The following RAP1GAP2 variants were observed in gnomAD, a reference collection of about 807,000 sequenced individuals.
RAP1GAP2 encodes rap1 GTPase-activating protein 2.
RAP1GAP2 carries 27 observed loss-of-function variants against 95.0 expected under a neutral mutation model. That is an observed-to-expected ratio of 0.28 (90% CI 0.21 to 0.39). The LOEUF (loss-of-function observed/expected upper bound fraction) is 0.39, where lower values mean the gene tolerates loss of function less well. Ranked by LOEUF, RAP1GAP2 falls within the 10% of genes least tolerant of loss-of-function variation. The pLI is 1.00. For missense variants in RAP1GAP2, 771 were observed against 970.0 expected (o/e 0.79, Z 2.72); for synonymous variants, 373 against 380.9 (o/e 0.98, Z 0.24).
chr17:2,965,562 C>A lies in RAP1GAP2; in HGVS notation c.515C>A (p.Thr172Asn), dbSNP rs1181203871. The A allele has an allele frequency of 6.2e-7, 1 of 1,612,582 alleles. No homozygotes were observed. The highest frequency in any genetic ancestry group is 8.5e-7 in the Non-Finnish European group (1 of 1,179,422). The stretch of plus-strand genomic sequence containing the variant: ...TAGGATCATCTAAACTTTTACTGTA[C>A]CGGCAGCAGCCTGGGGAACTTGATC... ...LGKDHLNFYC[T>N]GSSLGNLILS... The change falls in exon 8 of 25, where the codon ACC becomes AAC. Residue 172 changes from threonine to asparagine, a missense_variant. By Grantham distance (65) the Thr-to-Asn change is moderately conservative (BLOSUM62 0). Coordinates refer to ENST00000254695, the MANE Select transcript of RAP1GAP2 (RefSeq NM_015085.5). The surrounding 1 kb of genome is among the most constrained non-coding windows in gnomAD (Gnocchi z 4.7).
intron 1 of RAP1GAP2, among the ~76,000 whole-genome samples, chr17:2,763,463 A>C (rs1022521826): frequency 2.0e-5 from 3 of 152,178 alleles, no homozygotes; most frequent in Admixed American, 1.3e-4. Flanking sequence ...TGGGAGGCCG[A>C]GGCAGGTGGA....
chr17:2,796,570 TG>T lies in RAP1GAP2; in HGVS notation c.44+1del. 6.4e-7 allele frequency: 1 copy of T among 1,562,322 alleles called. No individual in the cohort carries two copies. The highest frequency in any genetic ancestry group is 1.2e-5 in the South Asian group (1 of 84,752). On this transcript the variant is annotated frameshift_variant and splice_region_variant, in exon 1 of 25. Transcript: ENST00000254695. LOFTEE classifies it high-confidence loss of function. This position sits in a 1 kb window ranked among gnomAD's most constrained non-coding sequence, Gnocchi z 4.7. ...CAGTGTCTCCTTTGGGGGCTTCGGA[TG>T]GTGGGTGACAGGTGGGAGGGTGGGG... is the stretch of plus-strand genomic sequence containing the variant. ...KRSVSFGGFGWIDKTMLASLK... is the reference protein window; with the variant it reads ...KRSVSFGGFGXIDKTMLASLK...
chr17:2,880,362 G>A (rs2073241041), intron 2 of RAP1GAP2, among the ~76,000 whole-genome samples: 1 of 151,946 alleles, frequency 6.6e-6, no homozygotes, highest in South Asian at 2.1e-4. Context: ...GGGACAAGGG[G>A]GTGCGGAGAG....
intron 2 of RAP1GAP2, among the ~76,000 whole-genome samples, chr17:2,824,845 A>G (rs1597379384): frequency 6.6e-6 from 1 of 151,740 alleles, no homozygotes; most frequent in Non-Finnish European, 1.5e-5. Context: ...CGGCGGCTGG[A>G]GATGCCTGTG....
intron 2 of RAP1GAP2, among the ~76,000 whole-genome samples, chr17:2,812,338 G>A (rs145486356): frequency 6.6e-6 from 1 of 152,204 alleles, no homozygotes; most frequent in Non-Finnish European, 1.5e-5. Flanking sequence ...CTGAGTCATG[G>A]GGGGGTGGTT....
In RAP1GAP2 at chr17:2,952,364, A is replaced by G. The variant is rs141441564; in HGVS notation, c.166-5395A>G. Among the ~76,000 whole-genome samples, 1,385 of 152,304 alleles carry G rather than the reference A, an allele frequency of 9.1e-3. 12 individuals carry two copies. Among genetic ancestry groups the G allele is most frequent in the Admixed American group, 0.016 (245 of 15,294 alleles). ...TTTACTTTTCCTTTCACGGTTGGGTACTTCCCCCATTGCTTAGACTTTTTG... is the reference window on the plus strand; with the variant it reads ...TTTACTTTTCCTTTCACGGTTGGGTGCTTCCCCCATTGCTTAGACTTTTTG... On this transcript the variant is annotated intron_variant, in intron 3 of 24. Transcript: ENST00000254695.
intron 1 of RAP1GAP2, among the ~76,000 whole-genome samples, chr17:2,782,605 T>C (rs2068685272): frequency 6.6e-6 from 1 of 152,146 alleles, no homozygotes; most frequent in Non-Finnish European, 1.5e-5. Context: ...TAATCACTGG[T>C]ACTAATGGAG....
chr17:3,025,578 C>T (rs73976763), intron 19 of RAP1GAP2, among the ~76,000 whole-genome samples: 26 of 152,318 alleles, frequency 1.7e-4, no homozygotes, highest in African/African-American at 5.5e-4. Flanking sequence ...GATGGCCCCC[C>T]GGGACTTCCC....
chr17:2,964,760 A>G (rs1163107309), intron 7 of RAP1GAP2: 3 of 152,576 alleles, frequency 2.0e-5, no homozygotes, highest in Non-Finnish European at 2.9e-5. Context: ...TGTACTGCAT[A>G]GTGTCTGCGA....
At chr17:2,812,341 G>T (rs2069804358) in intron 2 of RAP1GAP2, among the ~76,000 whole-genome samples, 1 of 152,150 alleles carries the variant, frequency 6.6e-6, no homozygotes, top group Non-Finnish European at 1.5e-5. Context: ...AGTCATGGGG[G>T]GGTGGTTCCT....
chr17:2,815,622 C>A (rs944666423), intron 2 of RAP1GAP2, among the ~76,000 whole-genome samples: 1 of 152,024 alleles, frequency 6.6e-6, no homozygotes, highest in African/African-American at 2.4e-5. Flanking sequence ...GCTGGGATTA[C>A]AGGCGCGCAC....
chr17:2,907,836 C>T (rs2042248033), intron 3 of RAP1GAP2, among the ~76,000 whole-genome samples: 1 of 152,088 alleles, frequency 6.6e-6, no homozygotes, highest in South Asian at 2.1e-4. Context: ...GAGACAGAGC[C>T]TTGCTCTGTC....
chr17:2,797,648 C>A lies in RAP1GAP2; in HGVS notation c.44+1077C>A. 2.1e-6 allele frequency: 2 copies of A among 970,026 alleles called. No individual in the cohort carries two copies. Among genetic ancestry groups the A allele is most frequent in the Non-Finnish European group, 2.5e-6 (2 of 815,948 alleles). 60.1% of individuals were successfully genotyped at this position (970,026 alleles called of 1,614,324 possible). ...TCTTCAAAAGCACTTTGCCATCCAT[C>A]CTCTGGCAGGGGGGGACTGTGGGCA... On this transcript the variant is annotated intron_variant, in intron 1 of 24. Coordinates refer to ENST00000254695, the MANE Select transcript of RAP1GAP2 (RefSeq NM_015085.5). This position sits in a 1 kb window ranked among gnomAD's most constrained non-coding sequence, Gnocchi z 5.6.
At chr17:2,912,761 C>A (rs1431325102) in intron 3 of RAP1GAP2, among the ~76,000 whole-genome samples, 4 of 152,200 alleles carry the variant, frequency 2.6e-5, no homozygotes, top group Admixed American at 2.6e-4. Flanking sequence ...TCAGGAGCCA[C>A]TGCCCATTGT....
At chr17:2,869,147 TGTTA>T (rs1285157529) in intron 2 of RAP1GAP2, among the ~76,000 whole-genome samples, 2 of 152,062 alleles carry the variant, frequency 1.3e-5, no homozygotes, top group South Asian at 2.1e-4. Flanking sequence ...ACCACGGCAG[TGTTA>T]GTTAGGATTT....
At chr17:2,900,061 A>G (rs767144784) in intron 2 of RAP1GAP2, among the ~76,000 whole-genome samples, 5 of 152,158 alleles carry the variant, frequency 3.3e-5, no homozygotes, top group Non-Finnish European at 7.4e-5. Flanking sequence ...GAGAAAGCGT[A>G]GCTGAGCGTG....
intron 2 of RAP1GAP2, among the ~76,000 whole-genome samples, chr17:2,897,370 T>C (rs560324502): frequency 1.3e-5 from 2 of 151,502 alleles, no homozygotes; most frequent in African/African-American, 4.8e-5. Context: ...AAAAAATGGG[T>C]GTCCAGAAGC....
At chr17:2,868,516 AT>A (rs71153307) in intron 2 of RAP1GAP2, among the ~76,000 whole-genome samples, 54,133 of 122,418 alleles carry the variant, frequency 0.44, 10,524 homozygotes, top group East Asian at 0.64. Context: ...ACCAGGTGCA[AT>A]TTTTTTTTTT....
chr17:2,918,790 A>C (rs1367775361), intron 3 of RAP1GAP2, among the ~76,000 whole-genome samples: 1 of 152,128 alleles, frequency 6.6e-6, no homozygotes, highest in Non-Finnish European at 1.5e-5. Context: ...GTGAGATTTG[A>C]GTGGGGACAC....
Sources: gnomAD v4.1 joint callset for allele counts (sites outside exome capture counted in the v4.1 genomes callset) on GRCh38, gnomAD v4.1.1 for gene constraint, Gnocchi (gnomAD v3.1) non-coding constraint, MANE v1.5 for transcripts, NCBI Gene and HGNC (gene_info 2026-07-23, HGNC 2026-07-21) for gene names.